The following ERICH1 variants were observed in gnomAD, a reference collection of about 807,000 sequenced individuals.
ERICH1 encodes glutamate rich 1, also known as glutamate-rich protein 1.
A neutral mutation model predicts 39.6 loss-of-function variants in ERICH1; 56 were observed. That is an observed-to-expected ratio of 1.41 (90% CI 1.14 to 1.77). ERICH1 has a LOEUF of 1.77. Among genes scored for constraint, ERICH1 ranks in the 40% most tolerant of loss-of-function variants. The pLI is 0.00. For missense variants in ERICH1, 826 were observed against 575.4 expected, an observed-to-expected ratio of 1.44 and a Z score of -4.45; for synonymous variants, 313 against 223.6, an observed-to-expected ratio of 1.40 and a Z score of -3.57.
At chr8:699,118 A>G (rs1025703144) in intron 2 of ERICH1, among the ~76,000 whole-genome samples, 1 of 151,856 alleles carries the variant, frequency 6.6e-6, no homozygotes, top group Non-Finnish European at 1.5e-5. Flanking sequence ...CTGTCTCAAA[A>G]AACCCCCCAA....
At chr8:706,729 C>G (rs1218816782) in intron 2 of ERICH1, among the ~76,000 whole-genome samples, 1 of 152,126 alleles carries the variant, frequency 6.6e-6, no homozygotes, top group Non-Finnish European at 1.5e-5. Flanking sequence ...AAGATCATGC[C>G]ATTGTACTCT....
chr8:676,766 G>A (rs930099380), intron 3 of ERICH1, among the ~76,000 whole-genome samples: 1 of 152,224 alleles, frequency 6.6e-6, no homozygotes, highest in East Asian at 1.9e-4. Context: ...AGCAGACCTA[G>A]AACTATAAAG....
chr8:726,851 A>G (rs1818846071), intron 1 of ERICH1, among the ~76,000 whole-genome samples: 1 of 151,868 alleles, frequency 6.6e-6, no homozygotes, highest in Non-Finnish European at 1.5e-5. Flanking sequence ...ACAGGCACAT[A>G]CGTATGTACA....
chr8:631,443 G>A (rs1206831607), intron 3 of ERICH1, among the ~76,000 whole-genome samples: 4 of 152,192 alleles, frequency 2.6e-5, no homozygotes, highest in Admixed American at 6.5e-5. Context: ...ATGGGGGGAT[G>A]TGCCCTGGGG....
intron 2 of ERICH1, among the ~76,000 whole-genome samples, chr8:700,856 C>T (rs183443096): frequency 6.6e-6 from 1 of 152,222 alleles, no homozygotes; most frequent in South Asian, 2.1e-4. Context: ...AGGAAAAACT[C>T]TCCTGAAAAA....
At position 731,166 on chromosome 8, in the gene ERICH1, G is replaced by A. The variant is rs767373182; in HGVS notation, c.-5C>T. 4.6e-6 allele frequency: 7 copies of A among 1,508,280 alleles called. No homozygotes were observed. The highest frequency in any genetic ancestry group is 5.3e-6 in the Non-Finnish European group (6 of 1,130,626). 93.4% of individuals were successfully genotyped at this position (1,508,280 alleles called of 1,614,324 possible). ...GTGCTTCCTGTGCGCCGCCATGCGG[G>A]ACCCTGCCGCGGACCTCAGACCACG... is the stretch of plus-strand genomic sequence containing the variant. On this transcript the variant is annotated 5_prime_UTR_variant, in exon 1 of 6. Transcript: ENST00000262109.
intron 3 of ERICH1, among the ~76,000 whole-genome samples, chr8:638,080 C>T (rs938539970): frequency 1.3e-5 from 2 of 152,346 alleles, no homozygotes; most frequent in Admixed American, 1.3e-4. Flanking sequence ...TCATTTACAT[C>T]GGTGACCTGG....
intron 3 of ERICH1, among the ~76,000 whole-genome samples, chr8:620,971 C>T (rs1454619730): frequency 6.6e-6 from 1 of 152,212 alleles, no homozygotes; most frequent in Non-Finnish European, 1.5e-5. Flanking sequence ...AATACATATT[C>T]TCAAGTACAC....
chr8:636,158 C>T (rs958833035), intron 3 of ERICH1, among the ~76,000 whole-genome samples: 5 of 152,190 alleles, frequency 3.3e-5, no homozygotes, highest in Admixed American at 2.6e-4. Flanking sequence ...CGGCTGAATC[C>T]CTGCGCCCCG....
rs1217169570 is a variant in ERICH1 at position 711,915 on chromosome 8, G to T, written c.169+3946C>A. Among the ~76,000 whole-genome samples the T allele has an allele frequency of 3.9e-5, 6 of 152,194 alleles. No homozygotes were observed. In the East Asian group the frequency reaches 1.2e-3, roughly 29 times the overall value. ...TGTTGAAAAGATCATTCACTGAATA[G>T]CCTTTGTTTGCTCCTGTATCAAAGA... On this transcript the variant is annotated intron_variant, in intron 2 of 5. Transcript: ENST00000262109.
intron 3 of ERICH1, among the ~76,000 whole-genome samples, chr8:656,016 G>T (rs1349527856): frequency 6.6e-6 from 1 of 152,058 alleles, no homozygotes; most frequent in African/African-American, 2.4e-5. Context: ...CTGCTGCAGG[G>T]CTGTCTCTGT....
intron 1 of ERICH1, among the ~76,000 whole-genome samples, chr8:729,772 A>G (rs1032006282): frequency 6.6e-6 from 1 of 152,152 alleles, no homozygotes; most frequent in African/African-American, 2.4e-5. Context: ...GACTAAAACA[A>G]TTAACAGCTT....
chr8:688,292 G>GCCCCGCCCCCGCCCCGCCCCGGC (rs1563265231), intron 3 of ERICH1, among the ~76,000 whole-genome samples: 31 of 88,642 alleles, frequency 3.5e-4, no homozygotes, highest in Admixed American at 1.1e-3. Context: ...CCCCGCCCCG[G>GCCCCGCCCCCGCCCCGCCCCGGC]CCCTTCCGCC....
At chr8:718,930 G>GGTGTGTT (rs1816662882) in intron 1 of ERICH1, among the ~76,000 whole-genome samples, 2 of 152,010 alleles carry the variant, frequency 1.3e-5, no homozygotes, top group African/African-American at 4.8e-5. Context: ...TCTGTACCCT[G>GGTGTGTT]GTGTGTTGTG....
intron 1 of ERICH1, among the ~76,000 whole-genome samples, chr8:720,178 C>T (rs116930398): frequency 0.017 from 2,541 of 152,300 alleles, 34 homozygotes; most frequent in Middle Eastern, 0.041. Context: ...TCCTGGACAC[C>T]CTCAAAGACA....
chr8:650,179 G>C (rs1167202896), intron 3 of ERICH1, among the ~76,000 whole-genome samples: 1 of 152,202 alleles, frequency 6.6e-6, no homozygotes, highest in Admixed American at 6.5e-5. Flanking sequence ...TGGAGCCCGC[G>C]TTCCTCTCTG....
At chr8:692,953 C>T (rs930368317) in intron 2 of ERICH1, among the ~76,000 whole-genome samples, 3 of 152,150 alleles carry the variant, frequency 2.0e-5, no homozygotes, top group African/African-American at 7.2e-5. Flanking sequence ...ACAGTTTGCA[C>T]GACACACCCT....
Position 668,875 on chromosome 8 carries a change from G to A in ERICH1, c.1064-83C>T. On this transcript the variant is annotated intron_variant, in intron 4 of 5. Coordinates refer to ENST00000262109, the MANE Select transcript of ERICH1 (RefSeq NM_207332.3). ...AGATAAGCTTTCCTCTCTTAAGGAAGGTCTCAAACCTACGCTTCCACACAG... is the reference window on the plus strand; with the variant it reads ...AGATAAGCTTTCCTCTCTTAAGGAAAGTCTCAAACCTACGCTTCCACACAG... The A allele has an allele frequency of 4.6e-6, 6 of 1,308,782 alleles. No homozygotes were observed. In the South Asian group the frequency reaches 7.4e-5, roughly 16 times the overall value. 81.1% of individuals were successfully genotyped at this position (1,308,782 alleles called of 1,614,324 possible). A position where few individuals can be genotyped will look rare whatever the true frequency, so the allele number is the denominator to read the frequency against.
chr8:719,042 C>T (rs369842477), intron 1 of ERICH1, among the ~76,000 whole-genome samples: 138 of 152,332 alleles, frequency 9.1e-4, no homozygotes, highest in African/African-American at 3.2e-3. Context: ...GGAGCTTCCC[C>T]ATAGACCACC....
Sources: allele counts gnomAD v4.1 joint callset (sites outside exome capture counted in the v4.1 genomes callset), GRCh38; gene constraint gnomAD v4.1.1; transcripts MANE v1.5; gene names NCBI Gene and HGNC (gene_info 2026-07-23, HGNC 2026-07-21).